The following LRMDA variants were observed in gnomAD, a reference collection of about 807,000 sequenced individuals.
LRMDA encodes leucine-rich melanocyte differentiation-associated protein.
LRMDA carries 18 observed loss-of-function variants against 29.8 expected under a neutral mutation model. The ratio of observed to expected loss-of-function variants is 0.60; its 90% CI spans 0.42 to 0.90. LRMDA has a LOEUF of 0.90. LRMDA is among the 40% of genes least tolerant of loss of function. The pLI is 0.00. For missense variants in LRMDA, 273 were observed against 273.9 expected, an observed-to-expected ratio of 1.00 and a Z score of 0.02; for synonymous variants, 125 against 109.4, an observed-to-expected ratio of 1.14 and a Z score of -0.89.
At position 75,437,335 on chromosome 10, in the gene LRMDA, C is replaced by G. The variant is rs934258241; in HGVS notation, c.31-1059C>G. On this transcript the variant is annotated intron_variant, in intron 1 of 6. Coordinates refer to ENST00000611255, the MANE Select transcript of LRMDA (RefSeq NM_001305581.2). ...AAACACCCTCCTGGGGAGTCTCTCT[C>G]TCTCTCATTCTAAGAGATCTTTGTC... 2.6e-5 allele frequency among the ~76,000 whole-genome samples: 4 copies of G among 152,350 alleles called. No individual in the cohort carries two copies. In the South Asian group the frequency reaches 6.2e-4, roughly 24 times the overall value.
intron 4 of LRMDA, among the ~76,000 whole-genome samples, chr10:76,052,435 G>C (rs1848545056): frequency 6.6e-6 from 1 of 151,730 alleles, no homozygotes; most frequent in Admixed American, 6.6e-5. Flanking sequence ...CCATTGCCCT[G>C]GGGGGAGCAG....
Position 76,046,714 on chromosome 10 carries a change from C to T in LRMDA, c.259-450C>T, listed in dbSNP as rs752579312. Among the ~76,000 whole-genome samples the T allele has an allele frequency of 2.0e-5, 3 of 152,174 alleles. No individual in the cohort carries two copies. The East Asian group carries it at 5.8e-4, about 29-fold the overall frequency. On this transcript the variant is annotated intron_variant, in intron 3 of 6. Transcript: ENST00000611255. ...GGCCAGGCTGGTCTCAAACTCCTGACCTCAAATGATCTGCCTACCAGGGCC... is the reference window on the plus strand; with the variant it reads ...GGCCAGGCTGGTCTCAAACTCCTGATCTCAAATGATCTGCCTACCAGGGCC...
chr10:75,592,401 T>G (rs1440328666), intron 2 of LRMDA, among the ~76,000 whole-genome samples: 1 of 152,206 alleles, frequency 6.6e-6, no homozygotes, highest in Non-Finnish European at 1.5e-5. Context: ...CTGCCCGAAG[T>G]TGTAATAAAG....
At chr10:75,477,447 A>G (rs1844809569) in intron 2 of LRMDA, among the ~76,000 whole-genome samples, 1 of 152,138 alleles carries the variant, frequency 6.6e-6, no homozygotes, top group Non-Finnish European at 1.5e-5. Context: ...CCTTATTTCT[A>G]CCTTTGCCTG....
chr10:75,623,010 T>A (rs1159448920), intron 2 of LRMDA, among the ~76,000 whole-genome samples: 1 of 152,232 alleles, frequency 6.6e-6, no homozygotes, highest in East Asian at 1.9e-4. Flanking sequence ...TTACCAACAA[T>A]GCTTTAATTT....
intron 2 of LRMDA, among the ~76,000 whole-genome samples, chr10:75,978,842 T>G (rs995663250): frequency 6.6e-6 from 1 of 152,248 alleles, no homozygotes; most frequent in African/African-American, 2.4e-5. Flanking sequence ...AATGTTATAA[T>G]GTTTTTCTTT....
At chr10:76,303,342 C>A (rs966954136) in intron 5 of LRMDA, among the ~76,000 whole-genome samples, 34 of 151,890 alleles carry the variant, frequency 2.2e-4, no homozygotes, top group South Asian at 6.2e-4. Flanking sequence ...GAATGAACAC[C>A]TGACTGCGTC....
At chr10:76,010,498 G>T (rs927890797) in intron 2 of LRMDA, among the ~76,000 whole-genome samples, 45 of 152,058 alleles carry the variant, frequency 3.0e-4, no homozygotes, top group African/African-American at 1.1e-3. Context: ...ATTTTTAGTA[G>T]AGATGGGGTT....
chr10:75,974,223 T>C (rs1339305773), intron 2 of LRMDA, among the ~76,000 whole-genome samples: 2 of 152,154 alleles, frequency 1.3e-5, no homozygotes, highest in Non-Finnish European at 2.9e-5. Flanking sequence ...TGGGGCAACA[T>C]GGAGGGGAGG....
intron 5 of LRMDA, among the ~76,000 whole-genome samples, chr10:76,292,597 C>T (rs1447462439): frequency 1.3e-5 from 2 of 152,128 alleles, no homozygotes; most frequent in African/African-American, 4.8e-5. Context: ...ATTGACTACA[C>T]TGATGAAATA....
chr10:76,225,981 G>A, intron 5 of LRMDA, among the ~76,000 whole-genome samples: 1 of 149,910 alleles, frequency 6.7e-6, no homozygotes, highest in Non-Finnish European at 1.5e-5. Flanking sequence ...GTGGTGTTTG[G>A]TTTTTTGTCC....
At chr10:76,083,602 G>A (rs1190551608) in intron 5 of LRMDA, among the ~76,000 whole-genome samples, 1 of 152,182 alleles carries the variant, frequency 6.6e-6, no homozygotes, top group Non-Finnish European at 1.5e-5. Context: ...GCCAAGGTGG[G>A]TGGATCACCT....
At chr10:75,436,628 C>T (rs971821958) in intron 1 of LRMDA, among the ~76,000 whole-genome samples, 16 of 151,940 alleles carry the variant, frequency 1.1e-4, no homozygotes, top group Admixed American at 7.2e-4. Context: ...CCACCATGCC[C>T]GGCTAATATT....
chr10:75,782,354 C>T (rs1368248480), intron 2 of LRMDA, among the ~76,000 whole-genome samples: 1 of 152,090 alleles, frequency 6.6e-6, no homozygotes, highest in Non-Finnish European at 1.5e-5. Flanking sequence ...TTAGAAAAAC[C>T]ACCTTTTTAA....
chr10:75,821,402 GA>G, intron 2 of LRMDA, among the ~76,000 whole-genome samples: 1 of 152,288 alleles, frequency 6.6e-6, no homozygotes, highest in Admixed American at 6.5e-5. Flanking sequence ...GAACAGAATT[GA>G]AAACAAAAAT....
chr10:76,230,646 T>G, intron 5 of LRMDA, among the ~76,000 whole-genome samples: 1 of 152,076 alleles, frequency 6.6e-6, no homozygotes. Flanking sequence ...GGCATTCTTT[T>G]CTAAACATAT....
chr10:75,802,332 C>T (rs201676223), intron 2 of LRMDA, among the ~76,000 whole-genome samples: 23,400 of 114,370 alleles, frequency 0.2, 1,977 homozygotes, highest in Admixed American at 0.29. Flanking sequence ...CACACACACA[C>T]GCGCACACAC....
chr10:76,182,123 A>G (rs1361078769), intron 5 of LRMDA, among the ~76,000 whole-genome samples: 2 of 152,170 alleles, frequency 1.3e-5, no homozygotes, highest in Non-Finnish European at 2.9e-5. Context: ...TGGGTAATTT[A>G]TAAAGGAAGG....
intron 2 of LRMDA, among the ~76,000 whole-genome samples, chr10:75,751,415 T>G (rs1015912097): frequency 4.6e-5 from 7 of 152,148 alleles, no homozygotes; most frequent in Admixed American, 1.3e-4. Flanking sequence ...AACCTGCTTT[T>G]AACCTACTGA....
Sources: gnomAD v4.1 joint callset for allele counts (sites outside exome capture counted in the v4.1 genomes callset) on GRCh38, gnomAD v4.1.1 for gene constraint, MANE v1.5 for transcripts, NCBI Gene and HGNC (gene_info 2026-07-23, HGNC 2026-07-21) for gene names.